Variants in NKAIN2 observed in about 807,000 individuals in gnomAD.
NKAIN2 encodes the protein sodium/potassium transporting ATPase interacting 2.
In NKAIN2, 14 loss-of-function variants were observed where a neutral mutation model predicts 32.6. That is an observed-to-expected ratio of 0.43 (90% CI 0.28 to 0.67). The LOEUF (loss-of-function observed/expected upper bound fraction) is 0.67, where lower values mean the gene tolerates loss of function less well. Among genes scored for constraint, NKAIN2 ranks in the 30% least tolerant of loss-of-function variants. The pLI is 0.17. For synonymous variants in NKAIN2, 80 were observed against 87.2 expected, an observed-to-expected ratio of 0.92 and a Z score of 0.46; for missense variants, 198 against 258.3, an observed-to-expected ratio of 0.77 and a Z score of 1.60.
intron 1 of NKAIN2, among the ~76,000 whole-genome samples, chr6:124,217,536 T>A (rs1282185228): frequency 2.0e-5 from 3 of 152,134 alleles, no homozygotes; most frequent in Non-Finnish European, 4.4e-5. Flanking sequence ...ATGTCATTGA[T>A]ACAAAGCACA....
At chr6:124,529,277 T>C (rs574078059) in intron 3 of NKAIN2, among the ~76,000 whole-genome samples, 2 of 152,262 alleles carry the variant, frequency 1.3e-5, no homozygotes, top group Non-Finnish European at 2.9e-5. Context: ...ATAACGTTAC[T>C]AAAAGGTACG....
intron 3 of NKAIN2, among the ~76,000 whole-genome samples, chr6:124,391,581 G>A (rs1192560941): frequency 6.6e-6 from 1 of 152,080 alleles, no homozygotes; most frequent in Admixed American, 6.6e-5. Context: ...AAATCCAAAA[G>A]AGTCAGAACA....
At chr6:124,627,967 C>G (rs746977649) in intron 3 of NKAIN2, among the ~76,000 whole-genome samples, 3 of 152,032 alleles carry the variant, frequency 2.0e-5, no homozygotes, top group Non-Finnish European at 1.5e-5. Context: ...CGCACAAACT[C>G]ACATGCATTT....
chr6:124,222,293 TAAATG>T (rs1284668559), intron 1 of NKAIN2, among the ~76,000 whole-genome samples: 1 of 152,166 alleles, frequency 6.6e-6, no homozygotes, highest in African/African-American at 2.4e-5. Context: ...GGAAAAATAA[TAAATG>T]AACAAACTAA....
intron 1 of NKAIN2, among the ~76,000 whole-genome samples, chr6:123,913,335 G>C (rs1775320017): frequency 6.6e-6 from 1 of 152,160 alleles, no homozygotes; most frequent in African/African-American, 2.4e-5. Context: ...ATAAAGGTTA[G>C]AATGGAACTC....
chr6:124,376,723 G>A (rs1288442446), intron 3 of NKAIN2, among the ~76,000 whole-genome samples: 1 of 151,936 alleles, frequency 6.6e-6, no homozygotes, highest in African/African-American at 2.4e-5. Flanking sequence ...ATAATGTGAT[G>A]CATTTTAGAA....
At chr6:124,434,879 T>C (rs774092798) in intron 3 of NKAIN2, among the ~76,000 whole-genome samples, 8 of 152,164 alleles carry the variant, frequency 5.3e-5, no homozygotes, top group Non-Finnish European at 1.2e-4. Flanking sequence ...CAAAAGATGG[T>C]CAGAGAATTT....
intron 4 of NKAIN2, among the ~76,000 whole-genome samples, chr6:124,675,790 T>C (rs1486637027): frequency 6.6e-6 from 1 of 151,874 alleles, no homozygotes; most frequent in Admixed American, 6.6e-5. Context: ...AAACAGTTGT[T>C]AGTTTTTTTG....
intron 3 of NKAIN2, among the ~76,000 whole-genome samples, chr6:124,597,400 A>T (rs1583495017): frequency 6.6e-6 from 1 of 151,452 alleles, no homozygotes; most frequent in African/African-American, 2.4e-5. Flanking sequence ...AGTATTAATA[A>T]ATAATATTAT....
At chr6:124,508,858 C>G (rs1355739486) in intron 3 of NKAIN2, among the ~76,000 whole-genome samples, 1 of 152,168 alleles carries the variant, frequency 6.6e-6, no homozygotes, top group Non-Finnish European at 1.5e-5. Flanking sequence ...ACCATCTTCT[C>G]TCTGTGCATC....
chr6:124,585,345 G>T (rs1781675964), intron 3 of NKAIN2, among the ~76,000 whole-genome samples: 2 of 152,156 alleles, frequency 1.3e-5, no homozygotes, highest in East Asian at 1.9e-4. Flanking sequence ...AGTGGAGGTG[G>T]TTAATAGGTA....
chr6:124,734,760 T>C (rs1239692739), intron 4 of NKAIN2, among the ~76,000 whole-genome samples: 1 of 151,920 alleles, frequency 6.6e-6, no homozygotes, highest in Non-Finnish European at 1.5e-5. Context: ...AAATGTTTAT[T>C]GAACAGAACT....
At chr6:123,807,740 A>T (rs1254548769) in intron 1 of NKAIN2, among the ~76,000 whole-genome samples, 1 of 152,142 alleles carries the variant, frequency 6.6e-6, no homozygotes, top group Non-Finnish European at 1.5e-5. Context: ...CCTATTTTGT[A>T]CTTTAGACTT....
At position 124,750,229 on chromosome 6, in the gene NKAIN2, C is replaced by T. The variant is rs1042963396; in HGVS notation, c.475-41110C>T. On this transcript the variant is annotated intron_variant, in intron 4 of 6. Transcript: ENST00000368417. ...TTACTAAATGTTAGTTATTCTTTTGCCCTAGAGAACCTCATTTTTCCTCCA... is the reference window on the plus strand; with the variant it reads ...TTACTAAATGTTAGTTATTCTTTTGTCCTAGAGAACCTCATTTTTCCTCCA... Among the ~76,000 whole-genome samples, 3 of 151,872 alleles carry T rather than the reference C, an allele frequency of 2.0e-5. No individual in the cohort carries two copies. The South Asian group carries it at 6.2e-4, about 31-fold the overall frequency.
At chr6:124,675,976 C>A (rs762301969) in intron 4 of NKAIN2, among the ~76,000 whole-genome samples, 9 of 151,932 alleles carry the variant, frequency 5.9e-5, no homozygotes, top group Non-Finnish European at 1.3e-4. Context: ...CTGTAAACTG[C>A]TTTCTTCATA....
chr6:124,779,241 CAA>C (rs1491478978), intron 4 of NKAIN2, among the ~76,000 whole-genome samples: 1,514 of 90,932 alleles, frequency 0.017, 128 homozygotes, highest in African/African-American at 0.051. Flanking sequence ...CAGACTCCAA[CAA>C]AGAAAGAGAG....
chr6:124,137,569 A>G (rs1045296689), intron 1 of NKAIN2, among the ~76,000 whole-genome samples: 6 of 152,182 alleles, frequency 3.9e-5, no homozygotes, highest in Admixed American at 2.0e-4. Context: ...TTACTAAGCA[A>G]AAAGAACAAA....
rs536969917 is a variant in NKAIN2, at chr6:124,645,928, C to CCACT, written c.274-12257_274-12254dup. 1.5e-3 allele frequency among the ~76,000 whole-genome samples: 235 copies of CCACT among 152,172 alleles called. 1 individual carries two copies. Among genetic ancestry groups the CCACT allele is most frequent in the Non-Finnish European group, 2.8e-3 (192 of 68,014 alleles). On this transcript the variant is annotated intron_variant, in intron 3 of 6. Transcript: ENST00000368417. ...ACCATTACATCTAGAATAGTGTTAC[C>CCACT]CACTGCCTCACCCTCACCCAGTTCT... is the stretch of plus-strand genomic sequence containing the variant.
intron 1 of NKAIN2, among the ~76,000 whole-genome samples, chr6:124,057,815 C>G (rs1782730170): frequency 6.6e-6 from 1 of 151,938 alleles, no homozygotes; most frequent in African/African-American, 2.4e-5. Context: ...AATATAGAAC[C>G]TAAAATCCTC....
Sources: allele counts gnomAD v4.1 joint callset (sites outside exome capture counted in the v4.1 genomes callset), GRCh38; gene constraint gnomAD v4.1.1; transcripts MANE v1.5; gene names NCBI Gene and HGNC (gene_info 2026-07-23, HGNC 2026-07-21).